The following ATG7 variants were observed in gnomAD, a reference collection of about 807,000 sequenced individuals.
ATG7 encodes ubiquitin-like modifier-activating enzyme ATG7.
Under a neutral mutation model 82.4 loss-of-function variants are expected in ATG7, and 70 were observed. The observed-to-expected ratio is 0.85, with a 90% CI of 0.70 to 1.04. ATG7 has a LOEUF of 1.04. ATG7 is among the 50% of genes least tolerant of loss of function. The probability of loss-of-function intolerance (pLI) is 0.00; values close to 1 mark genes in which losing one functional copy is unlikely to be tolerated. For missense variants in ATG7, 792 were observed against 864.3 expected (o/e 0.92, Z 1.05); for synonymous variants, 287 against 313.0 (o/e 0.92, Z 0.88).
chr3:11,337,316 G>T (rs1952677352), intron 11 of ATG7, among the ~76,000 whole-genome samples: 1 of 152,090 alleles, frequency 6.6e-6, no homozygotes, highest in African/African-American at 2.4e-5. Context: ...AGCTGGGCAT[G>T]GTGGTGCGCA....
intron 9 of ATG7, among the ~76,000 whole-genome samples, chr3:11,325,694 C>A (rs528777025): frequency 6.6e-6 from 1 of 151,794 alleles, no homozygotes; most frequent in African/African-American, 2.4e-5. Context: ...AAATTTTATC[C>A]TATAGATGAG....
At chr3:11,408,607 G>A (rs963382069) in intron 19 of ATG7, among the ~76,000 whole-genome samples, 3 of 152,324 alleles carry the variant, frequency 2.0e-5, no homozygotes, top group Admixed American at 2.0e-4. Flanking sequence ...GGTTGGGGAG[G>A]CCTTACAATC....
intron 19 of ATG7, among the ~76,000 whole-genome samples, chr3:11,411,618 C>CAAA (rs2080902742): frequency 7.2e-5 from 1 of 13,966 alleles, no homozygotes; most frequent in Admixed American, 8.9e-4. Context: ...GACTCTGTCT[C>CAAA]CAAAAAAAAA....
At chr3:11,297,095 T>G (rs998535961) in intron 3 of ATG7, among the ~76,000 whole-genome samples, 1 of 152,184 alleles carries the variant, frequency 6.6e-6, no homozygotes, top group Non-Finnish European at 1.5e-5. Flanking sequence ...CAGTGGCTCA[T>G]GCCTGTAATC....
At chr3:11,576,053 G>A in the ATG7 span, among the ~76,000 whole-genome samples, 5 of 152,188 alleles carry the variant, frequency 3.3e-5, no homozygotes, top group African/African-American at 1.2e-4. Flanking sequence ...TCCATTATTA[G>A]CTTTAGTTTT....
intron 7 of ATG7, among the ~76,000 whole-genome samples, chr3:11,312,273 A>G (rs1282070145): frequency 6.6e-6 from 1 of 152,226 alleles, no homozygotes; most frequent in African/African-American, 2.4e-5. Context: ...AACTGCATTC[A>G]TATTCAGTGG....
At chr3:11,544,043 C>T (rs918495417) in intron 20 of ATG7, among the ~76,000 whole-genome samples, 2 of 152,222 alleles carry the variant, frequency 1.3e-5, no homozygotes, top group African/African-American at 2.4e-5. Context: ...TGCTCCCTTC[C>T]CTCTTGGTTC....
At chr3:11,433,052 G>A (rs1240358758) in intron 20 of ATG7, among the ~76,000 whole-genome samples, 1 of 152,102 alleles carries the variant, frequency 6.6e-6, no homozygotes, top group East Asian at 1.9e-4. Flanking sequence ...AGCACTTTGG[G>A]AGGCTAAGTT....
chr3:11,459,996 A>C (rs76677375), intron 20 of ATG7, among the ~76,000 whole-genome samples: 4 of 152,186 alleles, frequency 2.6e-5, no homozygotes, highest in African/African-American at 9.6e-5. Flanking sequence ...ACATGTCTCA[A>C]ATCGTACAGA....
intron 19 of ATG7, among the ~76,000 whole-genome samples, chr3:11,411,662 T>C (rs965573659): frequency 6.7e-6 from 1 of 149,012 alleles, no homozygotes; most frequent in Admixed American, 6.7e-5. Flanking sequence ...TTATCAGATA[T>C]GATTTTCAGA....
chr3:11,286,583 C>CTTTTTTTTTTTTTTTTTTTTTT (rs5846700), intron 3 of ATG7, among the ~76,000 whole-genome samples: 22 of 66,954 alleles, frequency 3.3e-4, no homozygotes, highest in Non-Finnish European at 4.2e-4. Flanking sequence ...TTCTTTCTTT[C>CTTTTTTTTTTTTTTTTTTTTTT]TTTTTTTTTT....
At chr3:11,315,570 C>A in intron 9 of ATG7, 77 bp downstream of exon 9, 2 of 1,274,846 alleles carry the variant, frequency 1.6e-6, no homozygotes, top group Non-Finnish European at 2.1e-6. Context: ...GAGACCACTG[C>A]AAAATTCAAA....
At chr3:11,568,483 G>A in the ATG7 span, 1 of 1,383,370 alleles carries the variant, frequency 7.2e-7, no homozygotes, top group Non-Finnish European at 1.0e-6. The surrounding 1 kb of genome is among the most constrained non-coding windows in gnomAD (Gnocchi z 5.9). Flanking sequence ...CCCACTAACT[G>A]GAAAGACAGT....
chr3:11,409,257 A>G (rs557158640), intron 19 of ATG7, among the ~76,000 whole-genome samples: 2 of 152,374 alleles, frequency 1.3e-5, no homozygotes, highest in South Asian at 4.1e-4. Context: ...CATTAGAAAC[A>G]TATTTCAAAT....
chr3:11,540,817 T>A (rs1253461012), intron 20 of ATG7, among the ~76,000 whole-genome samples: 2 of 151,972 alleles, frequency 1.3e-5, no homozygotes, highest in African/African-American at 2.4e-5. Context: ...CAGTTCCTGC[T>A]TTTAGTGTCC....
intron 20 of ATG7, among the ~76,000 whole-genome samples, chr3:11,471,710 C>T (rs1162544392): frequency 7.2e-6 from 1 of 139,454 alleles, no homozygotes; most frequent in Non-Finnish European, 1.5e-5. Flanking sequence ...TTTTAGAACT[C>T]AGAAAAGTAC....
intron 11 of ATG7, among the ~76,000 whole-genome samples, chr3:11,333,972 A>G (rs1305167040): frequency 6.6e-6 from 1 of 151,966 alleles, no homozygotes. Context: ...GATGGTCTCC[A>G]TCTCCTGACC....
At chr3:11,286,734 A>G (rs1234063742) in intron 3 of ATG7, among the ~76,000 whole-genome samples, 1 of 150,948 alleles carries the variant, frequency 6.6e-6, no homozygotes, top group Non-Finnish European at 1.5e-5. Context: ...AGTAGCTGGG[A>G]ACACAGGCGC....
chr3:11,334,737 C>T (rs1462955771), intron 11 of ATG7, among the ~76,000 whole-genome samples: 1 of 151,254 alleles, frequency 6.6e-6, no homozygotes, highest in African/African-American at 2.4e-5. Context: ...GCGGGTGGAT[C>T]ACCTGAGGTC....
Sources: allele counts gnomAD v4.1 joint callset (sites outside exome capture counted in the v4.1 genomes callset), GRCh38; gene constraint gnomAD v4.1.1; non-coding constraint Gnocchi (gnomAD v3.1); transcripts MANE v1.5; gene names NCBI Gene and HGNC (gene_info 2026-07-23, HGNC 2026-07-21).